The following CYP4Z1 variants were observed in gnomAD, a reference collection of about 807,000 sequenced individuals.
The protein encoded by CYP4Z1 is cytochrome P450 4Z1.
In CYP4Z1, 41 loss-of-function variants were observed where a neutral mutation model predicts 54.2. The ratio of observed to expected loss-of-function variants is 0.76; its 90% CI spans 0.59 to 0.98. The LOEUF (loss-of-function observed/expected upper bound fraction) is 0.98. CYP4Z1 is among the 50% of genes least tolerant of loss of function. CYP4Z1 has a pLI of 0.00. For synonymous variants in CYP4Z1, 163 were observed against 206.2 expected (o/e 0.79, Z 1.79); for missense variants, 513 against 599.0 (o/e 0.86, Z 1.50).
intron 7 of CYP4Z1, among the ~76,000 whole-genome samples, chr1:47,095,037 A>C (rs181706708): frequency 7.1e-4 from 108 of 151,894 alleles, no homozygotes; most frequent in Middle Eastern, 3.4e-3. Context: ...TAACTGATAC[A>C]TATTGAACTT....
intron 1 of CYP4Z1, among the ~76,000 whole-genome samples, chr1:47,067,926 A>G (rs1644462533): frequency 6.6e-6 from 1 of 152,098 alleles, no homozygotes; most frequent in Non-Finnish European, 1.5e-5. Context: ...TGAAACTTGA[A>G]CCCTGGTCTT....
intron 6 of CYP4Z1, among the ~76,000 whole-genome samples, chr1:47,089,739 AT>A (rs1644625093): frequency 6.6e-6 from 1 of 152,174 alleles, no homozygotes; most frequent in South Asian, 2.1e-4. Flanking sequence ...TGAACAAGCT[AT>A]TTTTTTGAGA....
chr1:47,092,667 C>T (rs1037234234), intron 6 of CYP4Z1, among the ~76,000 whole-genome samples: 3 of 152,072 alleles, frequency 2.0e-5, no homozygotes, highest in Non-Finnish European at 4.4e-5. Context: ...CTTCACTTTC[C>T]CTATCTGCTT....
intron 9 of CYP4Z1, among the ~76,000 whole-genome samples, chr1:47,112,108 CAA>C (rs1016114428): frequency 6.6e-6 from 1 of 151,920 alleles, no homozygotes; most frequent in Non-Finnish European, 1.5e-5. Context: ...GGTGAATTAA[CAA>C]AGGCGAAAGC....
At chr1:47,076,982 A>C (rs1212171684) in intron 2 of CYP4Z1, among the ~76,000 whole-genome samples, 1 of 151,498 alleles carries the variant, frequency 6.6e-6, no homozygotes, top group African/African-American at 2.4e-5. Flanking sequence ...AAATTTATTG[A>C]GACTTTTTTT....
At chr1:47,105,807 G>A (rs1469513161) in intron 8 of CYP4Z1, among the ~76,000 whole-genome samples, 2 of 152,036 alleles carry the variant, frequency 1.3e-5, no homozygotes, top group Non-Finnish European at 2.9e-5. Flanking sequence ...CATAGAAGAG[G>A]CACTCTGGAT....
chr1:47,083,828 C>T (rs973396720), intron 4 of CYP4Z1, among the ~76,000 whole-genome samples: 6 of 152,112 alleles, frequency 3.9e-5, no homozygotes, highest in Non-Finnish European at 8.8e-5. Context: ...ACAGACACCA[C>T]CCCCATTATC....
chr1:47,068,662 T>TG lies in CYP4Z1; in HGVS notation c.220dup (p.Glu74GlyfsTer22). 6.2e-7 allele frequency: 1 copy of TG among 1,614,148 alleles called. No individual in the cohort carries two copies. Among genetic ancestry groups the TG allele is most frequent in the East Asian group, 2.2e-5 (1 of 44,878 alleles). On this transcript the variant is annotated frameshift_variant, in exon 2 of 12. Coordinates refer to ENST00000334194, the MANE Select transcript of CYP4Z1 (RefSeq NM_178134.3). LOFTEE classifies it high-confidence loss of function. ...GAGTTTGAGGTGTATCATAAGCTGA[T>TG]GGAAAAATACCCATGTGCTGTTCCC...
At chr1:47,117,031 G>A (rs1394960483) in intron 11 of CYP4Z1, among the ~76,000 whole-genome samples, 1 of 152,170 alleles carries the variant, frequency 6.6e-6, no homozygotes, top group African/African-American at 2.4e-5. Context: ...CATTGGGAAT[G>A]CCATCTTGTT....
In CYP4Z1 at chr1:47,118,106, T is replaced by G. The variant is rs529291668; in HGVS notation, c.*172T>G. 9 of 699,196 alleles carry G rather than the reference T, an allele frequency of 1.3e-5. No individual in the cohort carries two copies. The South Asian group carries it at 2.3e-4, about 18-fold the overall frequency. 43.3% of individuals were successfully genotyped at this position (699,196 alleles called of 1,614,324 possible). ...AACAGTAATTTTAATTTCTTTGCTG[T>G]ATCTGGTGAAACCCACAAAAACACC... On this transcript the variant is annotated 3_prime_UTR_variant, in exon 12 of 12. Transcript: ENST00000334194.
chr1:47,113,237 T>G (rs951618908), intron 9 of CYP4Z1, among the ~76,000 whole-genome samples: 3 of 152,234 alleles, frequency 2.0e-5, no homozygotes, highest in African/African-American at 7.2e-5. Flanking sequence ...TGCTTTTTTA[T>G]CTGCCTCAAA....
At position 47,099,288 on chromosome 1, in the gene CYP4Z1, A is replaced by G. The variant is rs776114704; in HGVS notation, c.1067+4A>G. 6.3e-7 allele frequency: 1 copy of G among 1,588,954 alleles called. No homozygotes were observed. The highest frequency in any genetic ancestry group is 1.2e-5 in the South Asian group (1 of 86,932). ...GGGATGGGTCTTCTATTACCTGGTAAGACCTGTATTCCTATTTCATCCTGA... is the reference window on the plus strand; with the variant it reads ...GGGATGGGTCTTCTATTACCTGGTAGGACCTGTATTCCTATTTCATCCTGA... On this transcript the variant is annotated splice_donor_region_variant and intron_variant, in intron 8 of 11. Coordinates refer to ENST00000334194, the MANE Select transcript of CYP4Z1 (RefSeq NM_178134.3).
chr1:47,062,777 A>C (rs1210683948), upstream of CYP4Z1, among the ~76,000 whole-genome samples: 1 of 151,910 alleles, frequency 6.6e-6, no homozygotes, highest in East Asian at 1.9e-4. Context: ...CCAAAGACGA[A>C]GGTCATAATC....
At chr1:47,083,060 G>C (rs373530832) in intron 4 of CYP4Z1, among the ~76,000 whole-genome samples, 1 of 152,134 alleles carries the variant, frequency 6.6e-6, no homozygotes, top group East Asian at 1.9e-4. Context: ...AGGTGGTTTT[G>C]AGCACACCTA....
At position 47,099,208 on chromosome 1, in the gene CYP4Z1, G is replaced by A. The variant is rs1336641403; in HGVS notation, c.991G>A (p.Ala331Thr). Residue 331 changes from alanine to threonine, a missense_variant, in exon 8 of 12, where the codon GCA becomes ACA. Ala to Thr is a moderately conservative substitution (Grantham distance 58). Coordinates refer to ENST00000334194, the MANE Select transcript of CYP4Z1 (RefSeq NM_178134.3). ...SAISWILYCL[A>T]KYPEHQQRCR... Reference sequence around the variant, plus strand: ...TATCTCCTGGATCCTTTACTGCTTGGCAAAGTACCCTGAGCATCAGCAGAG... The same window carrying A: ...TATCTCCTGGATCCTTTACTGCTTGACAAAGTACCCTGAGCATCAGCAGAG... The A allele has an allele frequency of 1.7e-5, 27 of 1,613,866 alleles. No homozygotes were observed. Among genetic ancestry groups the A allele is most frequent in the Admixed American group, 3.3e-5 (2 of 59,994 alleles).
upstream of CYP4Z1, among the ~76,000 whole-genome samples, chr1:47,066,368 C>A (rs946550438): frequency 2.6e-5 from 4 of 152,022 alleles, no homozygotes; most frequent in Admixed American, 6.6e-5. Flanking sequence ...ATTTAACATA[C>A]CCAAGTCAAT....
At chr1:47,079,511 C>T (rs1644548756) in intron 2 of CYP4Z1, among the ~76,000 whole-genome samples, 1 of 152,228 alleles carries the variant, frequency 6.6e-6, no homozygotes, top group Non-Finnish European at 1.5e-5. Context: ...AGTAGAAAGG[C>T]TCACACTTAT....
intron 9 of CYP4Z1, among the ~76,000 whole-genome samples, chr1:47,108,494 G>A (rs2742084): frequency 0.41 from 60,914 of 149,624 alleles, 11,767 homozygotes; most frequent in East Asian, 0.82. Context: ...GTATTACCCA[G>A]AAATCCTGTT....
intron 3 of CYP4Z1, 65 bp from the exon 4 acceptor site, chr1:47,082,269 C>T (rs1644560205): frequency 2.2e-5 from 34 of 1,539,090 alleles, no homozygotes; most frequent in Middle Eastern, 1.8e-4. Flanking sequence ...TTGCTCACTG[C>T]GTGCCTAGTC....
Sources: allele counts gnomAD v4.1 joint callset (sites outside exome capture counted in the v4.1 genomes callset), GRCh38; gene constraint gnomAD v4.1.1; transcripts MANE v1.5; gene names NCBI Gene and HGNC (gene_info 2026-07-23, HGNC 2026-07-21).